The following DNAH3 variants were observed in gnomAD, a reference collection of about 807,000 sequenced individuals.
DNAH3 encodes the protein dynein axonemal heavy chain 3, also known as axonemal beta dynein heavy chain 3.
DNAH3 carries 332 observed loss-of-function variants against 432.5 expected under a neutral mutation model. That is an observed-to-expected ratio of 0.77 (90% CI 0.70 to 0.84). The LOEUF is 0.84. Ranked by LOEUF, DNAH3 falls within the 40% of genes least tolerant of loss-of-function variation. The probability of loss-of-function intolerance (pLI) is 0.00; values close to 1 mark genes in which losing one functional copy is unlikely to be tolerated. For synonymous variants in DNAH3, 1,956 were observed against 1,900.2 expected, an observed-to-expected ratio of 1.03 and a Z score of -0.76; for missense variants, 4,861 against 5,114.0, an observed-to-expected ratio of 0.95 and a Z score of 1.51.
At chr16:20,964,139 A>G in exon 53 of DNAH3, 1 of 1,614,186 alleles carries the variant, frequency 6.2e-7, no homozygotes, top group Non-Finnish European at 8.5e-7. Context: ...TTACCCTTGG[A>G]CATGGAGAGA....
intron 35 of DNAH3, 44 bp from the exon 36 acceptor site, chr16:21,034,129 G>C: frequency 2.3e-6 from 3 of 1,314,668 alleles, no homozygotes; most frequent in Non-Finnish European, 3.3e-6. Flanking sequence ...TCATTGCAAC[G>C]CTCCCCCATT....
At chr16:21,056,791 C>T (rs1390624738) in intron 27 of DNAH3, among the ~76,000 whole-genome samples, 1 of 152,138 alleles carries the variant, frequency 6.6e-6, no homozygotes, top group Non-Finnish European at 1.5e-5. Flanking sequence ...AACTGGGGCA[C>T]ATGAATCCAC....
intron 8 of DNAH3, among the ~76,000 whole-genome samples, chr16:21,126,895 C>T (rs2092455692): frequency 6.6e-6 from 1 of 151,902 alleles, no homozygotes; most frequent in African/African-American, 2.4e-5. Flanking sequence ...CTGTCACTGT[C>T]TCCCATCACC....
At chr16:20,983,422 G>A (rs886934285) in intron 48 of DNAH3, among the ~76,000 whole-genome samples, 3 of 152,110 alleles carry the variant, frequency 2.0e-5, no homozygotes, top group African/African-American at 7.2e-5. Context: ...CACCATGCCT[G>A]AGTCTATTAC....
At chr16:20,986,152 G>C (rs538944552) in intron 47 of DNAH3, among the ~76,000 whole-genome samples, 1 of 151,286 alleles carries the variant, frequency 6.6e-6, no homozygotes, top group East Asian at 2.0e-4. Context: ...CACTGTGCCC[G>C]GCCCAGTCTT....
In DNAH3 at chr16:21,000,028, AGGAG is replaced by A. The variant is rs772478032; in HGVS notation, c.6421+192_6421+195del. ...AAGGAGAAAAGGAGGGAAGAAGGAA[AGGAG>A]GGAGGGAGGGAGGGAAGGAGGAAGG... On this transcript the variant is annotated intron_variant, in intron 43 of 61. Coordinates refer to ENST00000261383, the Ensembl canonical transcript of DNAH3. 5.0e-5 allele frequency among the ~76,000 whole-genome samples: 7 copies of A among 139,678 alleles called. No homozygotes were observed. In the South Asian group the frequency reaches 8.1e-4, roughly 16 times the overall value. 91.6% of individuals were successfully genotyped at this position (139,678 alleles called of 152,430 possible).
At chr16:21,062,896 C>A in intron 24 of DNAH3, 1 of 551,686 alleles carries the variant, frequency 1.8e-6, no homozygotes. Flanking sequence ...CCATATTGCC[C>A]AGGCTAGACT....
At chr16:20,991,953 A>G (rs141165521) in intron 44 of DNAH3, among the ~76,000 whole-genome samples, 1 of 152,204 alleles carries the variant, frequency 6.6e-6, no homozygotes, top group Non-Finnish European at 1.5e-5. Flanking sequence ...TTTTTCATCT[A>G]TTAGTTGCAA....
At chr16:21,060,526 C>T (rs111905338) in intron 25 of DNAH3, among the ~76,000 whole-genome samples, 170 bp from the exon 26 acceptor site, 15,610 of 93,126 alleles carry the variant, frequency 0.17, 1,252 homozygotes, top group East Asian at 0.2. Context: ...TTTTTTTTTT[C>T]TTTTTTTTTT....
At chr16:21,135,527 T>A (rs558713783) in intron 6 of DNAH3, among the ~76,000 whole-genome samples, 2 of 152,234 alleles carry the variant, frequency 1.3e-5, no homozygotes, top group Admixed American at 6.5e-5. Context: ...ACCTTGTCTC[T>A]ACTAAAAATA....
rs775257763 is a variant in DNAH3, at chr16:21,075,431, T to C, written c.3084+16A>G. 7 of 1,566,994 alleles carry C rather than the reference T, an allele frequency of 4.5e-6. No homozygotes were observed. The highest frequency in any genetic ancestry group is 1.4e-5 in the African/African-American group (1 of 74,052). On this transcript the variant is annotated intron_variant, in intron 21 of 61. Transcript: ENST00000261383. ...GGGCTGCTTTCAAAAGGGGCTGCGG[T>C]TGCAGTGAGACTCACAGTGTCCCTG...
At chr16:20,944,711 C>T in intron 57 of DNAH3, 48 bp from the exon 58 acceptor site, 1 of 1,597,554 alleles carries the variant, frequency 6.3e-7, no homozygotes, top group South Asian at 1.1e-5. Context: ...CCCAGAATCC[C>T]ACAGATGACT....
intron 5 of DNAH3, among the ~76,000 whole-genome samples, chr16:21,139,810 C>T (rs188661142): frequency 1.0e-4 from 12 of 120,106 alleles, no homozygotes; most frequent in East Asian, 5.0e-4. Flanking sequence ...GATAGAGCCT[C>T]GCTCTGTTGC....
exon 58 of DNAH3, chr16:20,944,541 C>T (rs374609923): frequency 8.1e-6 from 13 of 1,614,154 alleles, no homozygotes; most frequent in Non-Finnish European, 1.1e-5. Flanking sequence ...GGAGGGTCAG[C>T]AGGACCCCCT....
rs2091970122 is a variant in DNAH3 at position 21,107,276 on chromosome 16, T to A, written c.2100-602A>T. ...TTTTTTTTTTGAGACAGAGTCTTGC[T>A]CTGTCACCCAGGCTGGATTACAGTG... On this transcript the variant is annotated intron_variant, in intron 14 of 61. Transcript: ENST00000261383. Among the ~76,000 whole-genome samples the A allele has an allele frequency of 2.8e-5, 4 of 141,184 alleles. No individual in the cohort carries two copies. The South Asian group carries it at 9.1e-4, about 32-fold the overall frequency. 92.6% of individuals were successfully genotyped at this position (141,184 alleles called of 152,430 possible). A position where few individuals can be genotyped will look rare whatever the true frequency, so the allele number is the denominator to read the frequency against.
At chr16:20,947,722 A>C (rs1051719568) in intron 57 of DNAH3, among the ~76,000 whole-genome samples, 1 of 152,156 alleles carries the variant, frequency 6.6e-6, no homozygotes, top group African/African-American at 2.4e-5. Context: ...GTAGAAAAAT[A>C]CAATTTCAGA....
chr16:20,936,620 G>A, intron 60 of DNAH3, 29 bp downstream of exon 60: 1 of 1,558,818 alleles, frequency 6.4e-7, no homozygotes, highest in Non-Finnish European at 8.7e-7. Context: ...AGCATGCCAG[G>A]TTCCCGGTTA....
Position 20,954,438 on chromosome 16 carries a change from C to T in DNAH3, c.11071+375G>A, listed in dbSNP as rs572054764. On this transcript the variant is annotated intron_variant, in intron 55 of 61. Coordinates refer to ENST00000261383, the Ensembl canonical transcript of DNAH3. ...CCAAATAGCTGGGATTATAGGCGGG[C>T]ACCACCACACCCGGCTAATTTTTGT... Among the ~76,000 whole-genome samples, 4 of 151,470 alleles carry T rather than the reference C, an allele frequency of 2.6e-5. No homozygotes were observed. The South Asian group carries it at 6.3e-4, about 24-fold the overall frequency.
At chr16:21,060,430 CTT>C in intron 25 of DNAH3, 74 bp from the exon 26 acceptor site, 3 of 1,145,056 alleles carry the variant, frequency 2.6e-6, no homozygotes, top group Non-Finnish European at 3.9e-6. Flanking sequence ...CAGAACACAG[CTT>C]TCTCTCTGGA....
Sources: allele counts gnomAD v4.1 joint callset (sites outside exome capture counted in the v4.1 genomes callset), GRCh38; gene constraint gnomAD v4.1.1; transcripts MANE v1.5; gene names NCBI Gene and HGNC (gene_info 2026-07-23, HGNC 2026-07-21).